ANKRD11: variants seen among roughly 807,000 people sequenced by gnomAD.
ANKRD11 encodes the protein ankyrin repeat domain 11, also known as ankyrin repeat domain-containing protein 11.
Under a neutral mutation model 195.7 loss-of-function variants are expected in ANKRD11, and 17 were observed. The ratio of observed to expected loss-of-function variants is 0.09; its 90% CI spans 0.06 to 0.13. The LOEUF is 0.13. Among genes scored for constraint, ANKRD11 ranks in the 10% least tolerant of loss-of-function variants. ANKRD11 has a pLI of 1.00. For missense variants in ANKRD11, 3,735 were observed against 3,566.1 expected, an observed-to-expected ratio of 1.05 and a Z score of -1.21; for synonymous variants, 1,953 against 1,528.1, an observed-to-expected ratio of 1.28 and a Z score of -6.49.
intron 1 of ANKRD11, among the ~76,000 whole-genome samples, chr16:89,426,255 T>C (rs764021920): frequency 6.6e-6 from 1 of 151,746 alleles, no homozygotes; most frequent in African/African-American, 2.4e-5. Flanking sequence ...ACCTGAAAAT[T>C]AGAGGAGGAC....
chr16:89,485,485 G>A (rs116327919), intron 1 of ANKRD11, among the ~76,000 whole-genome samples: 1 of 152,226 alleles, frequency 6.6e-6, no homozygotes, highest in African/African-American at 2.4e-5. Context: ...CAGAGACTCT[G>A]TCTCAAAACA....
intron 2 of ANKRD11, among the ~76,000 whole-genome samples, chr16:89,331,257 T>A (rs1448581590): frequency 6.6e-6 from 1 of 152,236 alleles, no homozygotes; most frequent in East Asian, 1.9e-4. Context: ...CCCGGCCTGA[T>A]GAAATACATT....
chr16:89,385,836 T>TAGGCC (rs1475172226), intron 2 of ANKRD11, among the ~76,000 whole-genome samples: 2 of 152,218 alleles, frequency 1.3e-5, no homozygotes, highest in Non-Finnish European at 2.9e-5. Context: ...GGCCGGGGAT[T>TAGGCC]AGGCCAGACA....
At chr16:89,447,883 C>T (rs963426330) in intron 1 of ANKRD11, among the ~76,000 whole-genome samples, 11 of 150,836 alleles carry the variant, frequency 7.3e-5, no homozygotes, top group Admixed American at 1.3e-4. Flanking sequence ...CAGCTCACTG[C>T]AACCTCCACT....
chr16:89,330,330 A>G (rs1378422575), intron 2 of ANKRD11, among the ~76,000 whole-genome samples: 6 of 151,900 alleles, frequency 3.9e-5, no homozygotes, highest in Admixed American at 3.9e-4. Context: ...GGCTCGGGAG[A>G]CCTGGCTCAG....
At chr16:89,458,476 G>A (rs1000631048) in intron 1 of ANKRD11, among the ~76,000 whole-genome samples, 1 of 152,014 alleles carries the variant, frequency 6.6e-6, no homozygotes, top group Non-Finnish European at 1.5e-5. Context: ...CGCCCATCTC[G>A]GCCTCCCAAA....
intron 4 of ANKRD11, among the ~76,000 whole-genome samples, chr16:89,302,707 C>T (rs998729082): frequency 6.6e-6 from 1 of 152,194 alleles, no homozygotes; most frequent in African/African-American, 2.4e-5. Flanking sequence ...GTGATAAACA[C>T]AGGAGGACAA....
At chr16:89,490,152 C>T (rs2057779199) in intron 1 of ANKRD11, 93 bp downstream of exon 1, 1 of 149,010 alleles carries the variant, frequency 6.7e-6, no homozygotes, top group African/African-American at 2.4e-5. Context: ...CGCGGCGCAG[C>T]TCCGTCGCCG....
Position 89,279,963 on chromosome 16 carries a change from G to C in ANKRD11, c.6579C>G (p.Asp2193Glu), listed in dbSNP as rs199952368. 9 of 1,610,492 alleles carry C rather than the reference G, an allele frequency of 5.6e-6. No individual in the cohort carries two copies. The African/African-American group carries it at 1.1e-4, about 19-fold the overall frequency. ...VAEEPPALPP[D>E]QASTRLPAEL... ...CTGCAGGGAGCCGGGTGGAGGCCTG[G>C]TCAGGAGGCAGTGCCGGCGGCTCCT... The change falls in exon 9 of 13, where the codon GAC becomes GAG. Residue 2193 changes from aspartate to glutamate, a missense_variant. Physicochemically the swap from Asp to Glu is conservative, Grantham distance 45. Coordinates refer to ENST00000301030, the MANE Select transcript of ANKRD11 (RefSeq NM_013275.6). This position sits in a 1 kb window ranked among gnomAD's most constrained non-coding sequence, Gnocchi z 5.6.
In ANKRD11 at chr16:89,268,276, C is replaced by A. The variant is rs1460362669; in HGVS notation, c.*202G>T. On this transcript the variant is annotated 3_prime_UTR_variant, in exon 13 of 13. Transcript: ENST00000301030. ...GGGGGCTTTGCCCCCGCCGCGGCAG[C>A]TGGTAGAGAAGAGACGTGTTTCACC... 3.1e-6 allele frequency: 1 copy of A among 319,874 alleles called. No homozygotes were observed. The allele number at this position is 319,874 out of a possible 1,614,324, so 19.8% of individuals were successfully genotyped here.
At chr16:89,310,208 G>C (rs751744888) in intron 3 of ANKRD11, among the ~76,000 whole-genome samples, 2 of 152,072 alleles carry the variant, frequency 1.3e-5, no homozygotes, top group African/African-American at 2.4e-5. Context: ...CTGTCTATGT[G>C]CGGGGTCCGC....
intron 2 of ANKRD11, among the ~76,000 whole-genome samples, chr16:89,397,112 A>G (rs533015241): frequency 3.3e-5 from 5 of 152,088 alleles, no homozygotes; most frequent in Non-Finnish European, 5.9e-5. Context: ...ACATTTTCCA[A>G]TCCTTCAGGT....
chr16:89,280,856 C>G lies in ANKRD11; in HGVS notation c.5686G>C (p.Ala1896Pro), dbSNP rs2034163443. The change falls in exon 9 of 13, where the codon GCC (alanine) becomes CCC (proline). Residue 1896 changes from alanine to proline, a missense_variant. By Grantham distance (27) the Ala-to-Pro change is conservative (BLOSUM62 -1). Coordinates refer to ENST00000301030, the MANE Select transcript of ANKRD11 (RefSeq NM_013275.6). ...TCGAGGGAAGGAACCAGCAGCTCGG[C>G]TCTGGGGGAAGGGGAAGGTTTTGCT... ...LQAKPSPSPR[A>P]ELLVPSLEGA... 1.9e-6 allele frequency: 3 copies of G among 1,604,808 alleles called. No individual in the cohort carries two copies. In the East Asian group the frequency reaches 6.7e-5, roughly 36 times the overall value.
intron 1 of ANKRD11, among the ~76,000 whole-genome samples, chr16:89,421,939 T>TA (rs1245530005): frequency 6.6e-6 from 1 of 152,168 alleles, no homozygotes; most frequent in African/African-American, 2.4e-5. Flanking sequence ...GACAAGATGA[T>TA]AACCCAGGTG....
chr16:89,438,695 C>G (rs2043320538), intron 1 of ANKRD11, among the ~76,000 whole-genome samples: 1 of 152,098 alleles, frequency 6.6e-6, no homozygotes, highest in Non-Finnish European at 1.5e-5. Context: ...GCATTGCCCC[C>G]AAGAACCAAG....
intron 7 of ANKRD11, 52 bp downstream of exon 7, chr16:89,288,476 C>T: frequency 2.5e-6 from 4 of 1,613,590 alleles, no homozygotes; most frequent in African/African-American, 1.3e-5. Flanking sequence ...AGCTACAGAA[C>T]CACCCAGATG....
intron 2 of ANKRD11, among the ~76,000 whole-genome samples, chr16:89,380,814 C>T (rs966256967): frequency 1.3e-5 from 2 of 152,218 alleles, no homozygotes; most frequent in Non-Finnish European, 2.9e-5. Flanking sequence ...AGCACTGGGG[C>T]TTATGGGAGG....
chr16:89,388,293 A>AT (rs71134215), intron 2 of ANKRD11, among the ~76,000 whole-genome samples: 2,119 of 85,176 alleles, frequency 0.025, 142 homozygotes, highest in East Asian at 0.059. Flanking sequence ...CATGAGGCTG[A>AT]TTTTTTTTTT....
chr16:89,268,803 C>A (rs1402818340), intron 12 of ANKRD11, 140 bp from the exon 13 acceptor site: 1 of 959,958 alleles, frequency 1.0e-6, no homozygotes, highest in East Asian at 2.6e-5. Context: ...CAGCTGTACC[C>A]GCTCCTGGCA....
Sources: allele counts gnomAD v4.1 joint callset (sites outside exome capture counted in the v4.1 genomes callset), GRCh38; gene constraint gnomAD v4.1.1; non-coding constraint Gnocchi (gnomAD v3.1); transcripts MANE v1.5; gene names NCBI Gene and HGNC (gene_info 2026-07-23, HGNC 2026-07-21).